EFHD2: variants seen among roughly 807,000 people sequenced by gnomAD.
The protein encoded by EFHD2 is EF-hand domain family member D2.
Under a neutral mutation model 20.3 loss-of-function variants are expected in EFHD2, and 12 were observed. The observed-to-expected ratio is 0.59, with a 90% CI of 0.38 to 0.96. The LOEUF is 0.96. EFHD2 is among the 40% of genes least tolerant of loss of function. The pLI is 0.00. For missense variants in EFHD2, 250 were observed against 334.3 expected (o/e 0.75, Z 1.97); for synonymous variants, 131 against 143.9 (o/e 0.91, Z 0.64).
At chr1:15,420,802 G>A (rs965097093) in intron 1 of EFHD2, among the ~76,000 whole-genome samples, 1 of 152,118 alleles carries the variant, frequency 6.6e-6, no homozygotes, top group Admixed American at 6.5e-5. Context: ...ACAGGCATGA[G>A]CCACCGCACC....
rs563617431 is a variant in EFHD2, at chr1:15,413,895, T to C, written c.308+3616T>C. On this transcript the variant is annotated intron_variant, in intron 1 of 3. Coordinates refer to ENST00000375980, the MANE Select transcript of EFHD2 (RefSeq NM_024329.6). The surrounding 1 kb of genome is among the most constrained non-coding windows in gnomAD (Gnocchi z 4.4). ...CCAGGACTCTCCATCCCCGTCTCCG[T>C]GCGGCCTCAGGCTACGTCCAGCATC... Among the ~76,000 whole-genome samples, 1 of 152,306 alleles carries C rather than the reference T, an allele frequency of 6.6e-6. No homozygotes were observed. Among genetic ancestry groups the C allele is most frequent in the South Asian group, 2.1e-4 (1 of 4,828 alleles).
At chr1:15,424,604 A>G (rs1022258788) in intron 1 of EFHD2, among the ~76,000 whole-genome samples, 20 of 152,010 alleles carry the variant, frequency 1.3e-4, no homozygotes, top group African/African-American at 4.6e-4. Flanking sequence ...ACTGCACCAC[A>G]CGTCCCTGAA....
intron 1 of EFHD2, among the ~76,000 whole-genome samples, chr1:15,423,168 C>T (rs1019534797): frequency 6.6e-6 from 1 of 152,334 alleles, no homozygotes; most frequent in Non-Finnish European, 1.5e-5. Flanking sequence ...ACCCCTCCAG[C>T]TCCAGGTGGA....
chr1:15,418,918 T>A (rs561147539), intron 1 of EFHD2, among the ~76,000 whole-genome samples: 1 of 152,388 alleles, frequency 6.6e-6, no homozygotes, highest in Admixed American at 6.5e-5. Flanking sequence ...AGTCTCCTTG[T>A]CGGTTCATGT....
At chr1:15,416,900 C>A (rs1457873881) in intron 1 of EFHD2, among the ~76,000 whole-genome samples, 1 of 152,186 alleles carries the variant, frequency 6.6e-6, no homozygotes, top group Non-Finnish European at 1.5e-5. Context: ...GCCTCAACTT[C>A]CTGGGCTTAA....
At chr1:15,427,638 A>G (rs971793351) in intron 3 of EFHD2, among the ~76,000 whole-genome samples, 2 of 152,166 alleles carry the variant, frequency 1.3e-5, no homozygotes, top group Non-Finnish European at 2.9e-5. Flanking sequence ...TCCCCGGTAG[A>G]CACCAATCCC....
intron 1 of EFHD2, among the ~76,000 whole-genome samples, chr1:15,417,188 C>T (rs564268199): frequency 4.5e-4 from 69 of 152,176 alleles, no homozygotes; most frequent in Non-Finnish European, 8.5e-4. Context: ...CTCAGGCCCC[C>T]GCACAGCCGT....
intron 1 of EFHD2, among the ~76,000 whole-genome samples, chr1:15,422,809 C>T (rs974638230): frequency 2.0e-4 from 30 of 152,042 alleles, no homozygotes; most frequent in African/African-American, 7.0e-4. Flanking sequence ...TGCAGTGAGC[C>T]AAGATTGCGC....
intron 3 of EFHD2, among the ~76,000 whole-genome samples, chr1:15,427,614 C>G (rs1032812677): frequency 6.6e-6 from 1 of 152,228 alleles, no homozygotes; most frequent in Non-Finnish European, 1.5e-5. Flanking sequence ...AAACACAGCA[C>G]TGGCTCTCCA....
In EFHD2 at chr1:15,413,771, T is replaced by C. The variant is rs564987714; in HGVS notation, c.308+3492T>C. Among the ~76,000 whole-genome samples the C allele has an allele frequency of 6.2e-4, 94 of 152,248 alleles. No homozygotes were observed. Among genetic ancestry groups the C allele is most frequent in the African/African-American group, 2.2e-3 (91 of 41,548 alleles). On this transcript the variant is annotated intron_variant, in intron 1 of 3. Transcript: ENST00000375980. This position sits in a 1 kb window ranked among gnomAD's most constrained non-coding sequence, Gnocchi z 4.4. Reference sequence around the variant, plus strand: ...AAACCTTGTATGATGAGGAGAGTGGTCCCGGTGTCTCAGGGTGGGGCTCCG... The same window carrying C: ...AAACCTTGTATGATGAGGAGAGTGGCCCCGGTGTCTCAGGGTGGGGCTCCG...
At position 15,425,843 on chromosome 1, in the gene EFHD2, A is replaced by G. The variant is rs1030535082; in HGVS notation, c.309-28A>G. 3 of 1,602,042 alleles carry G rather than the reference A, an allele frequency of 1.9e-6. No individual in the cohort carries two copies. In the African/African-American group the frequency reaches 4.1e-5, roughly 22 times the overall value. The stretch of plus-strand genomic sequence containing the variant: ...CGGCCTCTCTGACTGAGCCAGTGCC[A>G]AGATGTCCTCTCTTTTTGCATCTGC... On this transcript the variant is annotated intron_variant, in intron 1 of 3. Coordinates refer to ENST00000375980, the MANE Select transcript of EFHD2 (RefSeq NM_024329.6).
rs1329984055 is a variant in EFHD2 at position 15,428,817 on chromosome 1, A to C, written c.*93A>C. On this transcript the variant is annotated 3_prime_UTR_variant, in exon 4 of 4. Transcript: ENST00000375980. ...GAGCCTGAATCCTTGCCTGTGTCTGACGGGACCACTACTAAAAACCTAAAA... is the reference window on the plus strand; with the variant it reads ...GAGCCTGAATCCTTGCCTGTGTCTGCCGGGACCACTACTAAAAACCTAAAA... 2.0e-6 allele frequency: 3 copies of C among 1,524,318 alleles called. No homozygotes were observed. Among genetic ancestry groups the C allele is most frequent in the African/African-American group, 1.4e-5 (1 of 72,220 alleles). The allele number at this position is 1,524,318 out of a possible 1,614,324, so 94.4% of individuals were successfully genotyped here.
intron 1 of EFHD2, among the ~76,000 whole-genome samples, chr1:15,421,885 TGG>T (rs1223161056): frequency 1.3e-5 from 2 of 152,074 alleles, no homozygotes; most frequent in Non-Finnish European, 2.9e-5. Flanking sequence ...GCTGGTGCGT[TGG>T]GAGTTTAGTG....
chr1:15,422,036 G>T (rs950019761), intron 1 of EFHD2, among the ~76,000 whole-genome samples: 1 of 151,652 alleles, frequency 6.6e-6, no homozygotes, highest in African/African-American at 2.4e-5. Flanking sequence ...CCCCATTGCA[G>T]CAGGGTTCTC....
rs112564815 is a variant in EFHD2 at position 15,413,211 on chromosome 1, G to C, written c.308+2932G>C. On this transcript the variant is annotated intron_variant, in intron 1 of 3. Coordinates refer to ENST00000375980, the MANE Select transcript of EFHD2 (RefSeq NM_024329.6). This position sits in a 1 kb window ranked among gnomAD's most constrained non-coding sequence, Gnocchi z 4.4. ...GGCTCTGGGGAGAGCAGAGGGCAGA[G>C]AGGAGGGGAGCCTGCCCTCCTGGGA... Among the ~76,000 whole-genome samples, 134 of 152,244 alleles carry C rather than the reference G, an allele frequency of 8.8e-4. No homozygotes were observed. Among genetic ancestry groups the C allele is most frequent in the African/African-American group, 3.1e-3 (130 of 41,538 alleles).
chr1:15,421,008 A>T (rs1057455465), intron 1 of EFHD2, among the ~76,000 whole-genome samples: 4 of 152,198 alleles, frequency 2.6e-5, no homozygotes, highest in African/African-American at 9.7e-5. Context: ...TTAGTATCAT[A>T]GTAGGCATGT....
At chr1:15,410,310 C>G (rs746112375) in intron 1 of EFHD2, 31 bp downstream of exon 1, 7 of 1,551,492 alleles carry the variant, frequency 4.5e-6, no homozygotes. Context: ...GCCCCCCGCC[C>G]GCCCCGCGAC....
At chr1:15,416,483 G>A (rs1707672146) in intron 1 of EFHD2, among the ~76,000 whole-genome samples, 1 of 152,236 alleles carries the variant, frequency 6.6e-6, no homozygotes, top group South Asian at 2.1e-4. Flanking sequence ...CCAGAAAGGT[G>A]TGGCCAGATG....
intron 3 of EFHD2, 102 bp from the exon 4 acceptor site, chr1:15,428,491 T>G: frequency 1.4e-6 from 2 of 1,401,470 alleles, no homozygotes; most frequent in Non-Finnish European, 1.9e-6. Flanking sequence ...AGCGAGACTT[T>G]GTCTCAGAAA....
Sources: gnomAD v4.1 joint callset for allele counts (sites outside exome capture counted in the v4.1 genomes callset) on GRCh38, gnomAD v4.1.1 for gene constraint, Gnocchi (gnomAD v3.1) non-coding constraint, MANE v1.5 for transcripts, NCBI Gene and HGNC (gene_info 2026-07-23, HGNC 2026-07-21) for gene names.